The following CBLIF variants were observed in gnomAD, a reference collection of about 807,000 sequenced individuals.
CBLIF encodes gastric intrinsic factor (vitamin B synthesis).
Under a neutral mutation model 44.9 loss-of-function variants are expected in CBLIF, and 24 were observed. The observed-to-expected ratio is 0.53, with a 90% CI of 0.39 to 0.75. The LOEUF (loss-of-function observed/expected upper bound fraction) is 0.75. Ranked by LOEUF, CBLIF falls within the 30% of genes least tolerant of loss-of-function variation. The pLI is 0.00. For missense variants in CBLIF, 481 were observed against 513.0 expected, an observed-to-expected ratio of 0.94 and a Z score of 0.60; for synonymous variants, 183 against 190.9, an observed-to-expected ratio of 0.96 and a Z score of 0.34.
At chr11:59,838,554 C>T (rs548808516) in intron 5 of CBLIF, among the ~76,000 whole-genome samples, 1 of 152,244 alleles carries the variant, frequency 6.6e-6, no homozygotes, top group East Asian at 1.9e-4. Context: ...CACAACTGGG[C>T]AGTTGTGACA....
At chr11:59,831,915 G>A (rs1866380394) in intron 7 of CBLIF, 119 bp from the exon 8 acceptor site, 1 of 689,312 alleles carries the variant, frequency 1.5e-6, no homozygotes, top group East Asian at 2.8e-5. Flanking sequence ...GAGACAAGGT[G>A]TGACTTTGTT....
chr11:59,829,410 A>T lies in CBLIF; in HGVS notation c.*74T>A. On this transcript the variant is annotated 3_prime_UTR_variant, in exon 9 of 9. Transcript: ENST00000257248. ...ATCACAGGCATTCGCTTTTTTGCAT[A>T]GATTTAAAATGAAGTGGAAAAAATT... 1 of 923,240 alleles carries T rather than the reference A, an allele frequency of 1.1e-6. No individual in the cohort carries two copies. Among genetic ancestry groups the T allele is most frequent in the Non-Finnish European group, 1.8e-6 (1 of 551,408 alleles). The allele number at this position is 923,240 out of a possible 1,614,324, so 57.2% of individuals were successfully genotyped here.
At chr11:59,843,856 T>G in intron 2 of CBLIF, 23 bp downstream of exon 2, 2 of 1,583,960 alleles carry the variant, frequency 1.3e-6, no homozygotes, top group African/African-American at 1.3e-5. Context: ...TCAGGGAGAG[T>G]GCGAGCGGCT....
chr11:59,836,735 T>C (rs945601315), intron 6 of CBLIF, among the ~76,000 whole-genome samples: 2 of 152,236 alleles, frequency 1.3e-5, no homozygotes, highest in African/African-American at 4.8e-5. Context: ...TGGCTTTAAC[T>C]TCTATTTAAT....
rs771204721 is a variant in CBLIF, at chr11:59,835,814, A to G, written c.1067T>C (p.Met356Thr). ...TGACATTTGTAATACTCACTTGAAC[A>G]TAGGATTTTTGCGCTGTGCTTCCTC... ...VLEEAQRKNP[M>T]FKFETTMTSW... is the part of the protein sequence containing the mutation. The change falls in exon 7 of 9, where the codon ATG (methionine) becomes ACG (threonine). Residue 356 changes from methionine (M) to threonine (T), a missense_variant. Met to Thr is a moderately conservative substitution (Grantham distance 81). Coordinates refer to ENST00000257248, the MANE Select transcript of CBLIF (RefSeq NM_005142.3). 3 of 1,609,568 alleles carry G rather than the reference A, an allele frequency of 1.9e-6. No individual in the cohort carries two copies. The highest frequency in any genetic ancestry group is 2.2e-5 in the East Asian group (1 of 44,854).
At chr11:59,845,034 TA>T (rs1215743938) in intron 1 of CBLIF, among the ~76,000 whole-genome samples, 12 of 152,038 alleles carry the variant, frequency 7.9e-5, no homozygotes, top group Admixed American at 6.6e-4. Flanking sequence ...TTTATTTATT[TA>T]TTTTTTTTGT....
intron 7 of CBLIF, among the ~76,000 whole-genome samples, chr11:59,834,303 T>G (rs199685182): frequency 4.9e-5 from 4 of 81,782 alleles, no homozygotes; most frequent in African/African-American, 1.7e-4. Flanking sequence ...TTTCTTTCTT[T>G]CTTTCTTTCT....
In CBLIF at chr11:59,837,287, A is replaced by G; in HGVS notation, c.758T>C (p.Ile253Thr). 1.2e-6 allele frequency: 2 copies of G among 1,612,898 alleles called. No homozygotes were observed. The highest frequency in any genetic ancestry group is 1.7e-6 in the Non-Finnish European group (2 of 1,178,928). ...EWNCKKTTDMILNEIKQGKFH... is the reference protein window; with the variant it reads ...EWNCKKTTDMTLNEIKQGKFH... ...TTTCCCCTGCTTAATCTCATTGAGT[A>G]TCATATCCGTAGTCTTCTTGCAGTT... The change falls in exon 6 of 9, where the codon ATA becomes ACA. Residue 253 changes from isoleucine (I) to threonine (T), a missense_variant. Transcript: ENST00000257248.
intron 7 of CBLIF, among the ~76,000 whole-genome samples, chr11:59,834,284 CT>C (rs1565207453): frequency 5.1e-4 from 70 of 137,154 alleles, no homozygotes; most frequent in East Asian, 2.3e-3. Context: ...TTCTTTCTTT[CT>C]TTCTTTCTTT....
chr11:59,829,618 TGAGCTA>T, intron 8 of CBLIF, 73 bp from the exon 9 acceptor site: 1 of 876,204 alleles, frequency 1.1e-6, no homozygotes, highest in Middle Eastern at 2.2e-4. Flanking sequence ...AGGGATGCAG[TGAGCTA>T]GATGCAGTGA....
chr11:59,835,973 C>T lies in CBLIF; in HGVS notation c.908G>A (p.Gly303Asp). 1 of 1,614,078 alleles carries T rather than the reference C, an allele frequency of 6.2e-7. No individual in the cohort carries two copies. Among genetic ancestry groups the T allele is most frequent in the Non-Finnish European group, 8.5e-7 (1 of 1,179,988 alleles). The part of the protein sequence containing the change: ...EVQPTLPSNP[G>D]PGPTSASNIT... ...GTTAGATGCAGAGGTGGGGCCAGGG[C>T]CAGGGTTGCTGGGTAGAGTTGGTTG... Residue 303 changes from glycine (G) to aspartate (D), a missense_variant, in exon 7 of 9, where the codon GGC becomes GAC. Physicochemically the swap from Gly to Asp is moderately conservative, Grantham distance 94 (BLOSUM62 -1). Coordinates refer to ENST00000257248, the MANE Select transcript of CBLIF (RefSeq NM_005142.3).
intron 5 of CBLIF, 89 bp downstream of exon 5, chr11:59,841,054 C>T (rs889955459): frequency 4.2e-6 from 4 of 958,174 alleles, no homozygotes; most frequent in Admixed American, 1.7e-5. Context: ...TGGACTTTCA[C>T]AGAGATGTTA....
intron 5 of CBLIF, 178 bp downstream of exon 5, chr11:59,840,965 A>G (rs1866518503): frequency 1.5e-6 from 1 of 649,824 alleles, no homozygotes; most frequent in Non-Finnish European, 2.8e-6. Context: ...GTAGGGAGGA[A>G]TTAACACTTA....
intron 8 of CBLIF, among the ~76,000 whole-genome samples, chr11:59,830,387 C>T (rs528469173): frequency 6.6e-6 from 1 of 152,054 alleles, no homozygotes; most frequent in East Asian, 1.9e-4. Flanking sequence ...CAGGCACCCG[C>T]CACCACGCCT....
chr11:59,842,113 A>G lies in CBLIF; in HGVS notation c.511+330T>C, dbSNP rs536112412. 5.3e-5 allele frequency among the ~76,000 whole-genome samples: 8 copies of G among 152,310 alleles called. 1 individual carries two copies. In the South Asian group the frequency reaches 1.7e-3, roughly 32 times the overall value. ...GATTAAAGAGAGGATGCAGAGGAGA[A>G]CTGAAGCAAGACATTCATATTTAAT... On this transcript the variant is annotated intron_variant, in intron 4 of 8. Coordinates refer to ENST00000257248, the MANE Select transcript of CBLIF (RefSeq NM_005142.3).
chr11:59,845,162 C>T, intron 1 of CBLIF: 1 of 600,276 alleles, frequency 1.7e-6, no homozygotes, highest in Non-Finnish European at 3.0e-6. Context: ...TGCACCTGGC[C>T]CCATCTCTCT....
chr11:59,829,409 T>A lies in CBLIF; in HGVS notation c.*75A>T, dbSNP rs944656554. ...CATCACAGGCATTCGCTTTTTTGCATAGATTTAAAATGAAGTGGAAAAAAT... is the reference window on the plus strand; with the variant it reads ...CATCACAGGCATTCGCTTTTTTGCAAAGATTTAAAATGAAGTGGAAAAAAT... On this transcript the variant is annotated 3_prime_UTR_variant, in exon 9 of 9. Transcript: ENST00000257248. The A allele has an allele frequency of 2.2e-6, 2 of 920,514 alleles. No homozygotes were observed. The highest frequency in any genetic ancestry group is 2.6e-5 in the South Asian group (2 of 76,404). The allele number at this position is 920,514 out of a possible 1,614,324, so 57.0% of individuals were successfully genotyped here.
intron 7 of CBLIF, among the ~76,000 whole-genome samples, chr11:59,832,458 G>A (rs1267318133): frequency 1.3e-5 from 2 of 151,998 alleles, no homozygotes; most frequent in African/African-American, 2.4e-5. Flanking sequence ...ACATGCAAAT[G>A]TACCCCAAAC....
Position 59,841,155 on chromosome 11 carries a change from G to T in CBLIF, c.681C>A (p.Gly227=). The T allele has an allele frequency of 1.9e-6, 3 of 1,612,660 alleles. No individual in the cohort carries two copies. The highest frequency in any genetic ancestry group is 2.5e-6 in the Non-Finnish European group (3 of 1,178,626). The part of the protein sequence containing the change: ...NGIIGDIYST[G]LAMQALSVTP... ...AGCACGTGTTTACCTGCATGGCGAG[G>T]CCAGTACTGTAGATGTCTCCAATGA... is the stretch of plus-strand genomic sequence containing the variant. Residue 227 remains glycine, a synonymous_variant, in exon 5 of 9, where the codon GGC becomes GGA. Coordinates refer to ENST00000257248, the MANE Select transcript of CBLIF (RefSeq NM_005142.3).
Sources: gnomAD v4.1 joint callset for allele counts (sites outside exome capture counted in the v4.1 genomes callset) on GRCh38, gnomAD v4.1.1 for gene constraint, MANE v1.5 for transcripts, NCBI Gene and HGNC (gene_info 2026-07-23, HGNC 2026-07-21) for gene names.